Variants in SLA2 observed in about 807,000 individuals in gnomAD.
SLA2 encodes Src like adaptor 2, also known as src-like-adapter 2.
SLA2 carries 22 observed loss-of-function variants against 27.3 expected under a neutral mutation model. The observed-to-expected ratio is 0.81, with a 90% CI of 0.58 to 1.15. The LOEUF is 1.15. Among genes scored for constraint, SLA2 ranks in the 50% most tolerant of loss-of-function variants. SLA2 has a pLI of 0.00. For synonymous variants in SLA2, 131 were observed against 137.8 expected (o/e 0.95, Z 0.34); for missense variants, 304 against 322.2 (o/e 0.94, Z 0.43).
At chr20:36,616,867 T>C (rs1180466722) in intron 5 of SLA2, among the ~76,000 whole-genome samples, 1 of 151,554 alleles carries the variant, frequency 6.6e-6, no homozygotes, top group Non-Finnish European at 1.5e-5. Flanking sequence ...CTGGCCAACG[T>C]GGTGAAACCC....
intron 5 of SLA2, among the ~76,000 whole-genome samples, chr20:36,622,731 T>G (rs992762160): frequency 1.3e-5 from 2 of 152,158 alleles, no homozygotes; most frequent in Non-Finnish European, 2.9e-5. Context: ...CAGTAGCATC[T>G]TCCTGTCTCT....
chr20:36,643,490 T>C (rs957672529), intron 1 of SLA2, among the ~76,000 whole-genome samples: 5 of 152,142 alleles, frequency 3.3e-5, no homozygotes, highest in Admixed American at 6.5e-5. Flanking sequence ...AGTGGGCTCA[T>C]TCCTTGCCTT....
At chr20:36,637,446 C>T (rs143625385) in intron 2 of SLA2, among the ~76,000 whole-genome samples, 4 of 151,830 alleles carry the variant, frequency 2.6e-5, no homozygotes, top group Admixed American at 1.3e-4. Context: ...CTGCCCGCCT[C>T]GGCCTCCCAG....
At chr20:36,640,505 CT>C (rs1162794643) in intron 2 of SLA2, among the ~76,000 whole-genome samples, 2,269 of 133,244 alleles carry the variant, frequency 0.017, 39 homozygotes, top group African/African-American at 0.052. Context: ...GATGAAAGAC[CT>C]TTTTTTTTTT....
At chr20:36,624,843 G>C (rs2039320601) in intron 5 of SLA2, among the ~76,000 whole-genome samples, 1 of 152,320 alleles carries the variant, frequency 6.6e-6, no homozygotes, top group East Asian at 1.9e-4. Flanking sequence ...GGGCACACAG[G>C]TCCAGTTGAC....
chr20:36,619,455 G>T (rs1214572353), intron 5 of SLA2, among the ~76,000 whole-genome samples: 3 of 151,232 alleles, frequency 2.0e-5, no homozygotes, highest in Admixed American at 2.0e-4. Context: ...GAACCTGGGA[G>T]CAGGAGGTTG....
In SLA2 at chr20:36,626,266, C is replaced by T. The variant is rs934150686; in HGVS notation, c.382+6329G>A. Among the ~76,000 whole-genome samples, 9 of 152,100 alleles carry T rather than the reference C, an allele frequency of 5.9e-5. 1 individual carries two copies. Among genetic ancestry groups the T allele is most frequent in the Admixed American group, 4.6e-4 (7 of 15,270 alleles). Reference sequence around the variant, plus strand: ...AATTAGCTGGGCGTGGTGGCACGCACCTGTAATCCTAGCTACTCGGGAGGC... The same window carrying T: ...AATTAGCTGGGCGTGGTGGCACGCATCTGTAATCCTAGCTACTCGGGAGGC... On this transcript the variant is annotated intron_variant, in intron 5 of 7. Transcript: ENST00000262866.
At chr20:36,614,169 T>C (rs2039177319) in intron 7 of SLA2, 136 bp downstream of exon 7, 1 of 1,500,414 alleles carries the variant, frequency 6.7e-7, no homozygotes, top group African/African-American at 1.4e-5. Flanking sequence ...GCTCCAGGAG[T>C]TGAGTCAGTG....
intron 1 of SLA2, among the ~76,000 whole-genome samples, chr20:36,641,594 G>A (rs1488278412): frequency 6.6e-6 from 1 of 151,996 alleles, no homozygotes; most frequent in Admixed American, 6.6e-5. Context: ...GCCACAACAG[G>A]CTCAACTTTT....
rs1600812821 is a variant in SLA2 at position 36,613,843 on chromosome 20, C to T, written c.*23G>A. The T allele has an allele frequency of 7.3e-7, 1 of 1,361,118 alleles. No homozygotes were observed. Among genetic ancestry groups the T allele is most frequent in the East Asian group, 4.6e-5 (1 of 21,552 alleles). 84.3% of individuals were successfully genotyped at this position (1,361,118 alleles called of 1,614,324 possible). A position where few individuals can be genotyped will look rare whatever the true frequency, so the allele number is the denominator to read the frequency against. ...GGTTCTAGGTGTGCAGCCTTGGTTT[C>T]CCTTTTGGCCTCTCCTTTGGGCCTA... On this transcript the variant is annotated 3_prime_UTR_variant, in exon 8 of 8. Coordinates refer to ENST00000262866, the MANE Select transcript of SLA2 (RefSeq NM_032214.4).
chr20:36,626,706 T>C (rs755242358), intron 5 of SLA2, among the ~76,000 whole-genome samples: 1 of 151,736 alleles, frequency 6.6e-6, no homozygotes, highest in Non-Finnish European at 1.5e-5. Context: ...TAGCCGGGTG[T>C]GGTGGCAGCC....
At chr20:36,639,396 TACACACACAC>T (rs72401143) in intron 2 of SLA2, among the ~76,000 whole-genome samples, 163 of 146,850 alleles carry the variant, frequency 1.1e-3, no homozygotes, top group Middle Eastern at 3.5e-3. Flanking sequence ...AAAAAATCTC[TACACACACAC>T]ACACACACAC....
Position 36,634,547 on chromosome 20 carries a change from G to C in SLA2, c.134C>G (p.Ala45Gly). 6.2e-7 allele frequency: 1 copy of C among 1,611,622 alleles called. No homozygotes were observed. Among genetic ancestry groups the C allele is most frequent in the South Asian group, 1.1e-5 (1 of 90,576 alleles). Residue 45 changes from alanine to glycine, a missense_variant, in exon 3 of 8, where the codon GCA (alanine) becomes GGA (glycine). Ala to Gly is a moderately conservative substitution (Grantham distance 60, BLOSUM62 0). Coordinates refer to ENST00000262866, the MANE Select transcript of SLA2 (RefSeq NM_032214.4). Reference sequence around the variant, plus strand: ...CAGCGACAGCTCGGCCGGGCCACCTGCCGGGAAACTGCCCAGGGCCACGGC... The same window carrying C: ...CAGCGACAGCTCGGCCGGGCCACCTCCCGGGAAACTGCCCAGGGCCACGGC... ...ATAVALGSFPAGGPAELSLRL... is the reference protein window; with the variant it reads ...ATAVALGSFPGGGPAELSLRL...
At chr20:36,617,215 AAATT>A (rs2039223222) in intron 5 of SLA2, among the ~76,000 whole-genome samples, 2 of 151,670 alleles carry the variant, frequency 1.3e-5, no homozygotes, top group African/African-American at 4.9e-5. Flanking sequence ...AAAAAAAAAA[AAATT>A]AGCCAGGTGT....
At chr20:36,633,732 C>T in intron 3 of SLA2, 103 bp from the exon 4 acceptor site, 1 of 899,060 alleles carries the variant, frequency 1.1e-6, no homozygotes. Flanking sequence ...GATCCTGTGG[C>T]CACCTGTCCT....
chr20:36,615,056 A>G (rs2039192283), intron 6 of SLA2, 169 bp downstream of exon 6: 1 of 985,426 alleles, frequency 1.0e-6, no homozygotes, highest in Non-Finnish European at 1.2e-6. Context: ...AGGTGAAGAC[A>G]GGGCTCCCAG....
At chr20:36,616,162 A>G (rs2039207525) in intron 5 of SLA2, among the ~76,000 whole-genome samples, 1 of 152,104 alleles carries the variant, frequency 6.6e-6, no homozygotes, top group Non-Finnish European at 1.5e-5. Context: ...GAAGCATGAG[A>G]GGGGGCTACA....
At chr20:36,632,225 C>T (rs2039399997) in intron 5 of SLA2, among the ~76,000 whole-genome samples, 1 of 152,246 alleles carries the variant, frequency 6.6e-6, no homozygotes, top group South Asian at 2.1e-4. Context: ...CCTATTGTCC[C>T]GAGGTGCAGC....
Position 36,634,596 on chromosome 20 carries a change from G to A in SLA2, c.92-7C>T, listed in dbSNP as rs376635642. On this transcript the variant is annotated splice_polypyrimidine_tract_variant and splice_region_variant and intron_variant, in intron 2 of 7. Coordinates refer to ENST00000262866, the MANE Select transcript of SLA2 (RefSeq NM_032214.4). ...GCTGTGGCCTTGCTTCTCTCTAGAT[G>A]GAGGGACAGAAATAGTCACCTACTT... 20 of 1,583,184 alleles carry A rather than the reference G, an allele frequency of 1.3e-5. No individual in the cohort carries two copies. The African/African-American group carries it at 2.6e-4, about 20-fold the overall frequency.
Sources: gnomAD v4.1 joint callset for allele counts (sites outside exome capture counted in the v4.1 genomes callset) on GRCh38, gnomAD v4.1.1 for gene constraint, MANE v1.5 for transcripts, NCBI Gene and HGNC (gene_info 2026-07-23, HGNC 2026-07-21) for gene names.